The following TXNDC16 variants were observed in gnomAD, a reference collection of about 807,000 sequenced individuals.
TXNDC16 encodes the protein thioredoxin domain-containing protein 16.
In TXNDC16, 74 loss-of-function variants were observed where a neutral mutation model predicts 85.6. The ratio of observed to expected loss-of-function variants is 0.86; its 90% CI spans 0.72 to 1.05. The LOEUF is 1.05. Ranked by LOEUF, TXNDC16 falls within the 50% of genes least tolerant of loss-of-function variation. The probability of loss-of-function intolerance (pLI) is 0.00; values close to 1 mark genes in which losing one functional copy is unlikely to be tolerated. For synonymous variants in TXNDC16, 335 were observed against 326.5 expected (o/e 1.03, Z -0.28); for missense variants, 959 against 947.0 (o/e 1.01, Z -0.17).
intron 9 of TXNDC16, among the ~76,000 whole-genome samples, chr14:52,506,760 G>C (rs923882313): frequency 7.0e-5 from 10 of 142,254 alleles, no homozygotes; most frequent in Non-Finnish European, 1.5e-4. Context: ...GTTTCACCTT[G>C]TTAGCCAGGA....
chr14:52,543,811 A>C (rs2037886003), intron 2 of TXNDC16, among the ~76,000 whole-genome samples, 181 bp from the exon 3 acceptor site: 1 of 152,050 alleles, frequency 6.6e-6, no homozygotes, highest in Admixed American at 6.5e-5. Context: ...AATACTATTG[A>C]TTTTTCATAC....
At chr14:52,497,632 C>T (rs999641403) in intron 9 of TXNDC16, among the ~76,000 whole-genome samples, 38 of 152,176 alleles carry the variant, frequency 2.5e-4, no homozygotes, top group African/African-American at 9.2e-4. Context: ...ATAATCCCAG[C>T]ACTTTGGGAG....
intron 7 of TXNDC16, among the ~76,000 whole-genome samples, chr14:52,518,388 T>C (rs554048117): frequency 6.6e-6 from 1 of 152,350 alleles, no homozygotes; most frequent in African/African-American, 2.4e-5. Context: ...GAGCTTCCTC[T>C]CCAAATTATC....
intron 17 of TXNDC16, among the ~76,000 whole-genome samples, chr14:52,456,265 T>C (rs2140116227): frequency 6.6e-6 from 1 of 152,304 alleles, no homozygotes; most frequent in East Asian, 1.9e-4. Flanking sequence ...AAACACACTC[T>C]GAAAACTACT....
At chr14:52,444,837 C>T (rs1450547565) in intron 18 of TXNDC16, among the ~76,000 whole-genome samples, 1 of 152,028 alleles carries the variant, frequency 6.6e-6, no homozygotes, top group Non-Finnish European at 1.5e-5. Context: ...TAACCTAAAT[C>T]CATAATCATA....
intron 14 of TXNDC16, among the ~76,000 whole-genome samples, chr14:52,478,138 T>G (rs1350707174): frequency 3.3e-5 from 5 of 151,978 alleles, no homozygotes; most frequent in African/African-American, 1.2e-4. Flanking sequence ...TGAATGACAA[T>G]AGTGACACAA....
At chr14:52,488,326 G>A in intron 12 of TXNDC16, 37 bp downstream of exon 12, 1 of 1,607,356 alleles carries the variant, frequency 6.2e-7, no homozygotes, top group Non-Finnish European at 8.5e-7. Context: ...TGGGTGCTGG[G>A]CAGGATGGGG....
chr14:52,504,414 T>G (rs1217840899), intron 9 of TXNDC16, among the ~76,000 whole-genome samples: 1 of 152,156 alleles, frequency 6.6e-6, no homozygotes, highest in Non-Finnish European at 1.5e-5. Flanking sequence ...GGGGCCAATA[T>G]TCAACATTCT....
At chr14:52,462,044 T>C (rs2035663888) in intron 16 of TXNDC16, among the ~76,000 whole-genome samples, 1 of 152,270 alleles carries the variant, frequency 6.6e-6, no homozygotes, top group Non-Finnish European at 1.5e-5. Flanking sequence ...ATTTTTATTT[T>C]ACTTTGTTAA....
rs1022507905 is a variant in TXNDC16, at chr14:52,431,119, G to T, written c.*1185C>A. ...ACAAACAACTGCTACAAACAGATCAGTCTAACAGCTAAGTGATTTGGAATG... is the reference window on the plus strand; with the variant it reads ...ACAAACAACTGCTACAAACAGATCATTCTAACAGCTAAGTGATTTGGAATG... On this transcript the variant is annotated 3_prime_UTR_variant, in exon 21 of 21. Transcript: ENST00000281741. The T allele has an allele frequency of 1.3e-5, 2 of 152,228 alleles. No homozygotes were observed. The highest frequency in any genetic ancestry group is 2.4e-5 in the African/African-American group (1 of 41,460). 9.4% of individuals were successfully genotyped at this position (152,228 alleles called of 1,614,324 possible). A position where few individuals can be genotyped will look rare whatever the true frequency, so the allele number is the denominator to read the frequency against.
chr14:52,514,090 CTT>C (rs1306231895), intron 8 of TXNDC16, among the ~76,000 whole-genome samples: 1 of 152,144 alleles, frequency 6.6e-6, no homozygotes, highest in East Asian at 1.9e-4. Flanking sequence ...AAAAACATAA[CTT>C]CTCTTTGTAG....
chr14:52,482,340 A>G lies in TXNDC16; in HGVS notation c.1253-51T>C, dbSNP rs1053652411. The stretch of plus-strand genomic sequence containing the variant: ...GATATTACATGTATATCTACAAAGC[A>G]TCCACACTGATATGTAACAAATATA... On this transcript the variant is annotated intron_variant, in intron 13 of 20. Coordinates refer to ENST00000281741, the MANE Select transcript of TXNDC16 (RefSeq NM_020784.3). The G allele has an allele frequency of 9.1e-6, 13 of 1,422,710 alleles. No individual in the cohort carries two copies. The Admixed American group carries it at 1.2e-4, about 13-fold the overall frequency. 88.1% of individuals were successfully genotyped at this position (1,422,710 alleles called of 1,614,324 possible). A position where few individuals can be genotyped will look rare whatever the true frequency, so the allele number is the denominator to read the frequency against.
intron 14 of TXNDC16, among the ~76,000 whole-genome samples, chr14:52,479,483 A>G (rs1442287553): frequency 6.6e-6 from 1 of 152,152 alleles, no homozygotes; most frequent in Non-Finnish European, 1.5e-5. Context: ...TACAGAATCA[A>G]TGTACACAAA....
chr14:52,456,615 T>G (rs907406728), intron 17 of TXNDC16, among the ~76,000 whole-genome samples: 3 of 152,194 alleles, frequency 2.0e-5, no homozygotes, highest in African/African-American at 7.2e-5. Context: ...TGCAGTTCAG[T>G]CCTTCATTCT....
chr14:52,437,501 A>C (rs946457490), intron 20 of TXNDC16, among the ~76,000 whole-genome samples: 7 of 152,160 alleles, frequency 4.6e-5, no homozygotes, highest in South Asian at 2.1e-4. Context: ...GACTGGGCAA[A>C]GATTTCTAAA....
chr14:52,546,165 T>A (rs2037937610), intron 1 of TXNDC16, among the ~76,000 whole-genome samples: 1 of 152,062 alleles, frequency 6.6e-6, no homozygotes, highest in African/African-American at 2.4e-5. Flanking sequence ...CACACACCTG[T>A]AGTCTCAGCT....
intron 9 of TXNDC16, among the ~76,000 whole-genome samples, chr14:52,504,327 C>T (rs899450747): frequency 2.0e-5 from 3 of 152,168 alleles, no homozygotes; most frequent in East Asian, 1.9e-4. Context: ...AGAGAAAGGT[C>T]GGGTTACCCA....
chr14:52,446,462 T>C (rs2035286649), intron 18 of TXNDC16, among the ~76,000 whole-genome samples: 1 of 152,136 alleles, frequency 6.6e-6, no homozygotes, highest in Non-Finnish European at 1.5e-5. Context: ...TGGAGTGTGC[T>C]GGGGCCCAAA....
chr14:52,520,727 T>C (rs1566575595), intron 6 of TXNDC16, among the ~76,000 whole-genome samples: 1 of 152,228 alleles, frequency 6.6e-6, no homozygotes, highest in Non-Finnish European at 1.5e-5. Flanking sequence ...GTATTTTTGA[T>C]AGGCTAAACT....
Sources: gnomAD v4.1 joint callset for allele counts (sites outside exome capture counted in the v4.1 genomes callset) on GRCh38, gnomAD v4.1.1 for gene constraint, MANE v1.5 for transcripts, NCBI Gene and HGNC (gene_info 2026-07-23, HGNC 2026-07-21) for gene names.